Variants in BBOX1 observed in about 807,000 individuals in gnomAD.
BBOX1 encodes the protein gamma-butyrobetaine hydroxylase 1.
Under a neutral mutation model 41.6 loss-of-function variants are expected in BBOX1, and 35 were observed. The ratio of observed to expected loss-of-function variants is 0.84; its 90% confidence interval spans 0.64 to 1.11. The LOEUF is 1.11. Among genes scored for constraint, BBOX1 ranks in the 50% most tolerant of loss-of-function variants. The pLI is 0.00. For synonymous variants in BBOX1, 163 were observed against 154.7 expected (o/e 1.05, Z -0.40); for missense variants, 458 against 460.6 (o/e 0.99, Z 0.05).
intron 4 of BBOX1, among the ~76,000 whole-genome samples, chr11:27,061,314 T>C (rs1336282587): frequency 6.6e-6 from 1 of 152,152 alleles, no homozygotes; most frequent in Non-Finnish European, 1.5e-5. Flanking sequence ...AAAAAACTGG[T>C]CACAATGACA....
intron 2 of BBOX1, among the ~76,000 whole-genome samples, chr11:27,043,201 C>T (rs1344109047): frequency 6.6e-6 from 1 of 152,002 alleles, no homozygotes; most frequent in African/African-American, 2.4e-5. Context: ...GTAGCTGGGA[C>T]TACAGGCGCC....
At chr11:27,076,935 A>C (rs1358554467) in intron 4 of BBOX1, among the ~76,000 whole-genome samples, 1 of 152,088 alleles carries the variant, frequency 6.6e-6, no homozygotes, top group East Asian at 1.9e-4. Flanking sequence ...CACTAGCAGC[A>C]GCTAGCTAAG....
chr11:27,088,401 A>G (rs1490613099), intron 4 of BBOX1, among the ~76,000 whole-genome samples: 1 of 152,050 alleles, frequency 6.6e-6, no homozygotes, highest in Non-Finnish European at 1.5e-5. Context: ...AAGCTAGCTG[A>G]TTTTTCAGTG....
chr11:27,063,515 T>G (rs1857193499), intron 4 of BBOX1, among the ~76,000 whole-genome samples: 1 of 152,154 alleles, frequency 6.6e-6, no homozygotes, highest in Non-Finnish European at 1.5e-5. Context: ...GAAGTATTTT[T>G]GTATTAATCT....
intron 5 of BBOX1, among the ~76,000 whole-genome samples, chr11:27,094,791 T>C (rs1791506597): frequency 6.6e-6 from 1 of 151,938 alleles, no homozygotes; most frequent in Non-Finnish European, 1.5e-5. Context: ...CTACTCTGAC[T>C]CCGAAACTTA....
intron 4 of BBOX1, among the ~76,000 whole-genome samples, chr11:27,062,187 G>C (rs1448984127): frequency 2.0e-5 from 3 of 152,188 alleles, no homozygotes; most frequent in African/African-American, 7.2e-5. Flanking sequence ...AATCATCAAA[G>C]GGTAAAATAG....
intron 5 of BBOX1, among the ~76,000 whole-genome samples, chr11:27,093,913 T>C (rs112021242): frequency 4.9e-4 from 74 of 152,024 alleles, no homozygotes; most frequent in African/African-American, 1.8e-3. Flanking sequence ...CTTCAACATA[T>C]GAATTTGGGG....
At chr11:27,080,466 CA>C (rs1194503269) in intron 4 of BBOX1, among the ~76,000 whole-genome samples, 1 of 152,052 alleles carries the variant, frequency 6.6e-6, no homozygotes, top group African/African-American at 2.4e-5. Flanking sequence ...TTTATTCATT[CA>C]TCATACTCAA....
chr11:27,108,402 C>T (rs865774935), intron 5 of BBOX1, among the ~76,000 whole-genome samples: 11 of 152,056 alleles, frequency 7.2e-5, no homozygotes, highest in South Asian at 2.1e-4. Context: ...TCGTGCAAAC[C>T]GCAGCATTTT....
chr11:27,101,957 C>G (rs942024019), intron 5 of BBOX1, among the ~76,000 whole-genome samples: 1 of 152,060 alleles, frequency 6.6e-6, no homozygotes, highest in African/African-American at 2.4e-5. Context: ...CATATAATAA[C>G]CAAATGTTTC....
chr11:27,073,845 T>C (rs1857546413), intron 4 of BBOX1, among the ~76,000 whole-genome samples: 1 of 151,616 alleles, frequency 6.6e-6, no homozygotes, highest in South Asian at 2.1e-4. Flanking sequence ...TTCTCACTCA[T>C]AGGTGGGAAC....
chr11:27,063,653 A>C (rs185864930), intron 4 of BBOX1, among the ~76,000 whole-genome samples: 2,069 of 113,044 alleles, frequency 0.018, 27 homozygotes, highest in Non-Finnish European at 0.029. Context: ...TACATTGCAC[A>C]GTCAAAAAAA....
intron 2 of BBOX1, among the ~76,000 whole-genome samples, chr11:27,044,301 A>G (rs1851431332): frequency 6.6e-6 from 1 of 151,230 alleles, no homozygotes; most frequent in South Asian, 2.1e-4. Context: ...TTTTTCTTGT[A>G]AATTTGTTGA....
At chr11:27,085,593 C>T (rs1347756806) in intron 4 of BBOX1, among the ~76,000 whole-genome samples, 1 of 150,112 alleles carries the variant, frequency 6.7e-6, no homozygotes, top group African/African-American at 2.5e-5. Flanking sequence ...CTCTCTCTCT[C>T]TCTGGGCCTC....
At chr11:27,122,511 G>T (rs1017576205) in intron 7 of BBOX1, among the ~76,000 whole-genome samples, 7 of 152,098 alleles carry the variant, frequency 4.6e-5, no homozygotes, top group African/African-American at 1.2e-4. Context: ...CACACTTACT[G>T]GGGGGAGATT....
intron 5 of BBOX1, among the ~76,000 whole-genome samples, chr11:27,113,859 T>C (rs1337528496): frequency 1.4e-5 from 2 of 147,794 alleles, no homozygotes; most frequent in East Asian, 3.9e-4. Context: ...AAGACAAAAA[T>C]GCTAGCTTTC....
At chr11:27,124,820 G>A (rs376750609) in intron 7 of BBOX1, among the ~76,000 whole-genome samples, 7 of 152,180 alleles carry the variant, frequency 4.6e-5, no homozygotes, top group South Asian at 2.1e-4. Flanking sequence ...CACCGTGCCC[G>A]GCCTTCTTTC....
chr11:27,120,204 T>C (rs1444595199), intron 7 of BBOX1, among the ~76,000 whole-genome samples: 1 of 152,142 alleles, frequency 6.6e-6, no homozygotes, highest in Non-Finnish European at 1.5e-5. Context: ...CAATGTCATG[T>C]GATATTGGTC....
intron 5 of BBOX1, among the ~76,000 whole-genome samples, chr11:27,100,747 G>A (rs1355258340): frequency 6.6e-6 from 1 of 152,046 alleles, no homozygotes; most frequent in Non-Finnish European, 1.5e-5. Context: ...TGAATGAAAG[G>A]AAAAATAATT....
Sources: allele counts gnomAD v4.1 joint callset (sites outside exome capture counted in the v4.1 genomes callset), GRCh38; gene constraint gnomAD v4.1.1; transcripts MANE v1.5; gene names NCBI Gene and HGNC (gene_info 2026-07-23, HGNC 2026-07-21).